Variants in CACNA1E observed in about 807,000 individuals in gnomAD.
CACNA1E encodes calcium voltage-gated channel subunit alpha1 E, also known as voltage-dependent R-type calcium channel subunit alpha-1E.
A neutral mutation model predicts 259.2 loss-of-function variants in CACNA1E; 40 were observed. The ratio of observed to expected loss-of-function variants is 0.15; its 90% CI spans 0.12 to 0.20. The LOEUF (loss-of-function observed/expected upper bound fraction) is 0.20, where lower values mean the gene tolerates loss of function less well. Ranked by LOEUF, CACNA1E falls within the 10% of genes least tolerant of loss-of-function variation. The pLI, the probability that CACNA1E is intolerant of heterozygous loss-of-function variation, is 1.00. For missense variants in CACNA1E, 1,874 were observed against 3,040.1 expected, an observed-to-expected ratio of 0.62 and a Z score of 9.02; for synonymous variants, 1,104 against 1,138.5, an observed-to-expected ratio of 0.97 and a Z score of 0.61.
At chr1:181,601,676 C>T (rs1653761049) in intron 6 of CACNA1E, among the ~76,000 whole-genome samples, 1 of 152,180 alleles carries the variant, frequency 6.6e-6, no homozygotes, top group African/African-American at 2.4e-5. Flanking sequence ...TCTAAGCCAC[C>T]ACCATCTCTT....
At chr1:181,573,073 AC>A (rs1298557952) in intron 3 of CACNA1E, among the ~76,000 whole-genome samples, 5 of 152,142 alleles carry the variant, frequency 3.3e-5, no homozygotes, top group African/African-American at 1.2e-4. Context: ...AAGAGAACTG[AC>A]TTTAACTCCT....
At chr1:181,387,810 C>T (rs566605302) in intron 1 of CACNA1E, among the ~76,000 whole-genome samples, 40 of 152,284 alleles carry the variant, frequency 2.6e-4, no homozygotes, top group Middle Eastern at 6.8e-3. Context: ...GTGTCCCTTC[C>T]TGGTGGTTGT....
intron 2 of CACNA1E, among the ~76,000 whole-genome samples, chr1:181,423,912 A>G (rs905609304): frequency 4.6e-5 from 7 of 152,118 alleles, no homozygotes; most frequent in African/African-American, 1.7e-4. Context: ...ATGTTTTTAG[A>G]GGGGGCAGGA....
At chr1:181,509,293 A>C (rs1013554423) in intron 1 of CACNA1E, among the ~76,000 whole-genome samples, 1 of 152,172 alleles carries the variant, frequency 6.6e-6, no homozygotes, top group African/African-American at 2.4e-5. Context: ...TGCCACAGGT[A>C]GCCTGGCAGG....
At chr1:181,641,693 C>T (rs1029696957) in intron 6 of CACNA1E, among the ~76,000 whole-genome samples, 1 of 133,500 alleles carries the variant, frequency 7.5e-6, no homozygotes, top group African/African-American at 3.0e-5. Context: ...TGAGGCAACA[C>T]TAATTTTTTG....
chr1:181,403,185 A>T (rs1657224930), intron 1 of CACNA1E, among the ~76,000 whole-genome samples: 1 of 152,054 alleles, frequency 6.6e-6, no homozygotes, highest in Non-Finnish European at 1.5e-5. Context: ...TCATTTGTAA[A>T]ATTGAGTTCA....
intron 16 of CACNA1E, among the ~76,000 whole-genome samples, chr1:181,723,114 A>G (rs1188930442): frequency 6.6e-6 from 1 of 152,210 alleles, no homozygotes; most frequent in African/African-American, 2.4e-5. Flanking sequence ...ACATTTTGTT[A>G]AATGAAATGT....
chr1:181,746,135 C>T (rs1372619092), intron 25 of CACNA1E, among the ~76,000 whole-genome samples: 1 of 152,030 alleles, frequency 6.6e-6, no homozygotes, highest in Admixed American at 6.6e-5. Context: ...GCATGGACCA[C>T]GAGGAAAAAT....
intron 1 of CACNA1E, among the ~76,000 whole-genome samples, chr1:181,400,390 T>C (rs1213280552): frequency 6.6e-6 from 1 of 152,154 alleles, no homozygotes; most frequent in African/African-American, 2.4e-5. Flanking sequence ...TGGCCTGACG[T>C]TGGGGTGGGG....
At chr1:181,624,223 C>A (rs1320272623) in intron 6 of CACNA1E, among the ~76,000 whole-genome samples, 1 of 152,070 alleles carries the variant, frequency 6.6e-6, no homozygotes, top group African/African-American at 2.4e-5. Flanking sequence ...CTCCCATGAC[C>A]CAGACACCTC....
chr1:181,348,430 G>A (rs1006025227), intron 1 of CACNA1E, among the ~76,000 whole-genome samples: 4 of 152,120 alleles, frequency 2.6e-5, no homozygotes, highest in East Asian at 1.9e-4. Context: ...CAAAGAAAGC[G>A]TGAGTGATCT....
intron 43 of CACNA1E, among the ~76,000 whole-genome samples, chr1:181,787,063 G>A (rs1660907231): frequency 6.6e-6 from 1 of 152,048 alleles, no homozygotes. Flanking sequence ...GGGAGGGAGG[G>A]AAAGAAGTAT....
At chr1:181,419,033 C>T (rs950810411) in intron 2 of CACNA1E, among the ~76,000 whole-genome samples, 1 of 152,108 alleles carries the variant, frequency 6.6e-6, no homozygotes, top group Non-Finnish European at 1.5e-5. Flanking sequence ...TAATGAGCCT[C>T]CCTGCCTCTG....
chr1:181,401,460 T>A (rs1657097295), intron 1 of CACNA1E, among the ~76,000 whole-genome samples: 1 of 152,156 alleles, frequency 6.6e-6, no homozygotes, highest in Non-Finnish European at 1.5e-5. Context: ...GCTGGCACAA[T>A]GTTGGGCAAG....
rs962705319 is a variant in CACNA1E, at chr1:181,488,389, C to T, written c.266+4379C>T. ...GATAATGCAGAGGGGTTCATATCTTCTGTGTACCTGTGCGTGGATGCAGAT... is the reference window on the plus strand; with the variant it reads ...GATAATGCAGAGGGGTTCATATCTTTTGTGTACCTGTGCGTGGATGCAGAT... On this transcript the variant is annotated intron_variant, in intron 1 of 47. Transcript: ENST00000367573. Among the ~76,000 whole-genome samples the T allele has an allele frequency of 4.6e-5, 7 of 152,326 alleles. No homozygotes were observed. The South Asian group carries it at 1.4e-3, about 32-fold the overall frequency.
chr1:181,487,799 C>T (rs1360816554), intron 1 of CACNA1E, among the ~76,000 whole-genome samples: 8 of 152,234 alleles, frequency 5.3e-5, no homozygotes, highest in African/African-American at 1.7e-4. Context: ...TTCCAGGTCA[C>T]GGGTGTGAAG....
chr1:181,767,672 G>A (rs1051470671), intron 35 of CACNA1E, among the ~76,000 whole-genome samples: 1 of 152,168 alleles, frequency 6.6e-6, no homozygotes, highest in African/African-American at 2.4e-5. Context: ...TATTACTGGA[G>A]AATTTTGTTC....
chr1:181,458,131 G>A (rs1398745798), intron 2 of CACNA1E, among the ~76,000 whole-genome samples: 1 of 152,192 alleles, frequency 6.6e-6, no homozygotes, highest in Non-Finnish European at 1.5e-5. Flanking sequence ...GCTCTTTTAT[G>A]CTGTGTGTCA....
intron 41 of CACNA1E, 94 bp downstream of exon 41, chr1:181,784,862 G>A (rs1223340615): frequency 1.4e-6 from 1 of 738,684 alleles, no homozygotes; most frequent in Middle Eastern, 3.7e-4. Context: ...AAGAGATAAG[G>A]AAAGTTTGCC....
Sources: allele counts gnomAD v4.1 joint callset (sites outside exome capture counted in the v4.1 genomes callset), GRCh38; gene constraint gnomAD v4.1.1; transcripts MANE v1.5; gene names NCBI Gene and HGNC (gene_info 2026-07-23, HGNC 2026-07-21).